The following SHISA9 variants were observed in gnomAD, a reference collection of about 807,000 sequenced individuals.
The protein encoded by SHISA9 is shisa family member 9, also known as protein shisa-9.
A neutral mutation model predicts 38.0 loss-of-function variants in SHISA9; 13 were observed. The ratio of observed to expected loss-of-function variants is 0.34; its 90% confidence interval spans 0.22 to 0.54. The LOEUF (loss-of-function observed/expected upper bound fraction) is 0.54, where lower values mean the gene tolerates loss of function less well. Among genes scored for constraint, SHISA9 ranks in the 20% least tolerant of loss-of-function variants. The pLI is 0.91. For missense variants in SHISA9, 538 were observed against 575.8 expected (o/e 0.93, Z 0.67); for synonymous variants, 275 against 242.0 (o/e 1.14, Z -1.27).
At chr16:13,210,094 C>G (rs2051103859) in intron 3 of SHISA9, among the ~76,000 whole-genome samples, 1 of 152,144 alleles carries the variant, frequency 6.6e-6, no homozygotes, top group South Asian at 2.1e-4. Flanking sequence ...GAGCGAGACT[C>G]TGTCTCAAAA....
At chr16:12,944,913 C>T (rs915631959) in intron 2 of SHISA9, among the ~76,000 whole-genome samples, 1 of 152,142 alleles carries the variant, frequency 6.6e-6, no homozygotes, top group African/African-American at 2.4e-5. Flanking sequence ...GATAGGGAAA[C>T]CCATCAAGGG....
chr16:12,979,184 G>T (rs909108960), intron 2 of SHISA9, among the ~76,000 whole-genome samples: 1 of 152,092 alleles, frequency 6.6e-6, no homozygotes, highest in Admixed American at 6.6e-5. Context: ...CACCCTCTCT[G>T]CTGGTCTTTG....
rs868077852 is a variant in SHISA9, at chr16:12,970,389, G to A, written c.691+53574G>A. On this transcript the variant is annotated intron_variant, in intron 2 of 4. Transcript: ENST00000558583. ...TATATACATATATATATACATATAT[G>A]TATATATATATATACATATATATAT... is the stretch of plus-strand genomic sequence containing the variant. Among the ~76,000 whole-genome samples, 109 of 34,652 alleles carry A rather than the reference G, an allele frequency of 3.1e-3. 2 individuals are homozygous for A. The highest frequency in any genetic ancestry group is 8.4e-3 in the South Asian group (9 of 1,068). The allele number at this position is 34,652 out of a possible 152,430, so 22.7% of individuals were successfully genotyped here.
chr16:13,155,769 T>A (rs150081), intron 2 of SHISA9, among the ~76,000 whole-genome samples: 1 of 152,004 alleles, frequency 6.6e-6, no homozygotes, highest in Non-Finnish European at 1.5e-5. Flanking sequence ...TCCATGATAT[T>A]ATTTGCTTCT....
At chr16:12,926,706 G>A (rs1474742259) in intron 2 of SHISA9, among the ~76,000 whole-genome samples, 4 of 152,182 alleles carry the variant, frequency 2.6e-5, no homozygotes, top group African/African-American at 7.2e-5. Flanking sequence ...AGAAGGGAGG[G>A]AAGAGATACT....
chr16:13,069,149 A>T (rs1162970707), intron 2 of SHISA9, among the ~76,000 whole-genome samples: 1 of 151,360 alleles, frequency 6.6e-6, no homozygotes, highest in Non-Finnish European at 1.5e-5. Context: ...GTACATATGC[A>T]TGTATGTGTA....
the SHISA9 span, among the ~76,000 whole-genome samples, chr16:13,409,202 A>G: frequency 6.6e-6 from 1 of 152,122 alleles, no homozygotes; most frequent in African/African-American, 2.4e-5. Context: ...CCAGGGGAAG[A>G]TCATCTTCCC....
chr16:13,414,593 A>G, the SHISA9 span, among the ~76,000 whole-genome samples: 2 of 151,346 alleles, frequency 1.3e-5, no homozygotes, highest in East Asian at 3.9e-4. Flanking sequence ...GCTCAAAACA[A>G]ATTTTTGTTA....
intron 2 of SHISA9, among the ~76,000 whole-genome samples, chr16:13,022,035 C>T (rs1197663024): frequency 2.0e-5 from 3 of 152,198 alleles, no homozygotes; most frequent in Non-Finnish European, 4.4e-5. Context: ...CTAGCCTCTT[C>T]CAGCTTCTGG....
intron 2 of SHISA9, among the ~76,000 whole-genome samples, chr16:13,090,488 G>A (rs1017266347): frequency 6.6e-6 from 1 of 152,168 alleles, no homozygotes; most frequent in African/African-American, 2.4e-5. Flanking sequence ...GGGTGCTCCT[G>A]TATTGGGTGC....
the SHISA9 span, among the ~76,000 whole-genome samples, chr16:13,557,258 G>T: frequency 1.3e-5 from 2 of 152,114 alleles, no homozygotes; most frequent in Admixed American, 6.5e-5. Context: ...CATAAAATTT[G>T]CCCAAATTAC....
the SHISA9 span, among the ~76,000 whole-genome samples, chr16:13,327,852 T>A: frequency 6.6e-6 from 1 of 151,748 alleles, no homozygotes; most frequent in Non-Finnish European, 1.5e-5. Flanking sequence ...AGAGACAGGG[T>A]TTCTCCATGT....
chr16:12,946,894 A>T (rs2071696077), intron 2 of SHISA9, among the ~76,000 whole-genome samples: 2 of 152,236 alleles, frequency 1.3e-5, no homozygotes, highest in East Asian at 1.9e-4. Flanking sequence ...TTGTAAATTA[A>T]GTTTTACTAG....
At chr16:12,938,809 C>T (rs2071569852) in intron 2 of SHISA9, among the ~76,000 whole-genome samples, 1 of 151,972 alleles carries the variant, frequency 6.6e-6, no homozygotes, top group Non-Finnish European at 1.5e-5. Context: ...TTTGACTTTC[C>T]ATGCCATGTT....
chr16:13,342,196 T>C, the SHISA9 span, among the ~76,000 whole-genome samples: 1 of 152,186 alleles, frequency 6.6e-6, no homozygotes, highest in Admixed American at 6.5e-5. Context: ...ACTGATCATA[T>C]CTATTATTTC....
the SHISA9 span, among the ~76,000 whole-genome samples, chr16:13,252,565 T>C: frequency 6.6e-6 from 1 of 152,210 alleles, no homozygotes. Flanking sequence ...TCTTTGATTA[T>C]ATTTCACCTT....
chr16:13,278,523 T>A, the SHISA9 span, among the ~76,000 whole-genome samples: 1 of 152,108 alleles, frequency 6.6e-6, no homozygotes, highest in Non-Finnish European at 1.5e-5. Context: ...CTGGCAGGAT[T>A]CTGCTGTGAA....
intron 2 of SHISA9, among the ~76,000 whole-genome samples, chr16:13,069,023 T>C (rs2141919467): frequency 6.6e-6 from 1 of 152,012 alleles, no homozygotes; most frequent in South Asian, 2.1e-4. Flanking sequence ...TACATATAAA[T>C]GTATGCATAT....
chr16:12,975,293 A>G (rs988702160), intron 2 of SHISA9, among the ~76,000 whole-genome samples: 9 of 152,260 alleles, frequency 5.9e-5, no homozygotes, highest in Admixed American at 3.9e-4. Flanking sequence ...TCACAAGGTC[A>G]GGAGTTCGAG....
Sources: allele counts gnomAD v4.1 joint callset (sites outside exome capture counted in the v4.1 genomes callset), GRCh38; gene constraint gnomAD v4.1.1; transcripts MANE v1.5; gene names NCBI Gene and HGNC (gene_info 2026-07-23, HGNC 2026-07-21).